Variants in SATB2 observed in about 807,000 individuals in gnomAD.
SATB2 encodes DNA-binding protein SATB2.
SATB2 carries 1 observed loss-of-function variant against 73.4 expected under a neutral mutation model. That is an observed-to-expected ratio of 0.01 (90% confidence interval 0.00 to 0.06). The LOEUF (loss-of-function observed/expected upper bound fraction) is 0.06. Ranked by LOEUF, SATB2 falls within the 10% of genes least tolerant of loss-of-function variation. The pLI is 1.00. For missense variants in SATB2, 459 were observed against 945.8 expected, an observed-to-expected ratio of 0.49 and a Z score of 6.75; for synonymous variants, 397 against 367.0, an observed-to-expected ratio of 1.08 and a Z score of -0.93.
intron 3 of SATB2, among the ~76,000 whole-genome samples, chr2:199,410,344 G>A (rs1015583470): frequency 6.6e-6 from 1 of 152,192 alleles, no homozygotes; most frequent in African/African-American, 2.4e-5. Context: ...GCTAAATTCT[G>A]TGGCCACATT....
intron 6 of SATB2, among the ~76,000 whole-genome samples, chr2:199,358,464 TA>T (rs918051485): frequency 6.6e-6 from 1 of 151,480 alleles, no homozygotes; most frequent in Non-Finnish European, 1.5e-5. Context: ...AGCTGAAGAG[TA>T]AAAGAAAGAA....
chr2:199,456,975 T>TGGGGGGGG (rs71397724), intron 1 of SATB2, among the ~76,000 whole-genome samples: 58 of 123,608 alleles, frequency 4.7e-4, no homozygotes, highest in South Asian at 7.7e-4. Context: ...ATTGGGGGGG[T>TGGGGGGGG]GGGGGGGGGC....
intron 9 of SATB2, among the ~76,000 whole-genome samples, chr2:199,312,037 T>A (rs150654982): frequency 0.018 from 2,676 of 147,890 alleles, 42 homozygotes; most frequent in South Asian, 0.032. Context: ...TTTTGCAGTA[T>A]CAGGCAAAAA....
At chr2:199,368,559 C>A (rs1470213476) in intron 6 of SATB2, 46 bp downstream of exon 6, 3 of 1,103,576 alleles carry the variant, frequency 2.7e-6, no homozygotes, top group South Asian at 2.5e-5. Context: ...AACTCATGAA[C>A]CTCAGAAACT....
At chr2:199,402,637 A>G (rs1256751004) in intron 3 of SATB2, among the ~76,000 whole-genome samples, 1 of 152,214 alleles carries the variant, frequency 6.6e-6, no homozygotes, top group Non-Finnish European at 1.5e-5. Flanking sequence ...TGAAGGGAAC[A>G]TGAAAGTTTC....
chr2:199,291,278 G>A (rs1169973031), intron 10 of SATB2, among the ~76,000 whole-genome samples: 6 of 152,166 alleles, frequency 3.9e-5, no homozygotes, highest in Admixed American at 3.9e-4. Context: ...CAAAGAGAAT[G>A]GTTTCAAGTT....
intron 5 of SATB2, among the ~76,000 whole-genome samples, chr2:199,370,861 T>C (rs753264337): frequency 5.3e-5 from 8 of 151,832 alleles, no homozygotes; most frequent in Non-Finnish European, 1.2e-4. Context: ...TTAGATTTGT[T>C]TTCTGTCCCA....
intron 1 of SATB2, among the ~76,000 whole-genome samples, chr2:199,456,975 T>G (rs865944266): frequency 0.038 from 4,606 of 120,874 alleles, no homozygotes; most frequent in African/African-American, 0.048. Flanking sequence ...ATTGGGGGGG[T>G]GGGGGGGGGC....
intron 7 of SATB2, chr2:199,329,155 A>G: frequency 1.9e-6 from 1 of 515,464 alleles, no homozygotes; most frequent in Non-Finnish European, 3.5e-6. Flanking sequence ...ATCAGTGTAC[A>G]GACATGCCAG....
chr2:199,305,553 C>T (rs1449772844), intron 10 of SATB2, among the ~76,000 whole-genome samples: 1 of 152,134 alleles, frequency 6.6e-6, no homozygotes, highest in Non-Finnish European at 1.5e-5. Context: ...AACAGAAACA[C>T]ATCTGCAGAC....
chr2:199,425,044 A>T (rs988220076), intron 3 of SATB2, among the ~76,000 whole-genome samples: 2 of 152,238 alleles, frequency 1.3e-5, no homozygotes, highest in Non-Finnish European at 2.9e-5. Context: ...TTACATTTAA[A>T]ATCTATAAGT....
At chr2:199,436,433 AC>A (rs367882115) in intron 2 of SATB2, among the ~76,000 whole-genome samples, 36 of 149,148 alleles carry the variant, frequency 2.4e-4, no homozygotes, top group East Asian at 3.9e-4. Flanking sequence ...TTAAAAAAAA[AC>A]AAAACAAAAC....
At chr2:199,305,664 A>G (rs1322925094) in intron 10 of SATB2, among the ~76,000 whole-genome samples, 1 of 152,130 alleles carries the variant, frequency 6.6e-6, no homozygotes, top group Non-Finnish European at 1.5e-5. Flanking sequence ...GGGACTTCTC[A>G]ATATCACAGA....
At chr2:199,450,293 A>G (rs1206280335) in intron 2 of SATB2, among the ~76,000 whole-genome samples, 1 of 152,148 alleles carries the variant, frequency 6.6e-6, no homozygotes, top group East Asian at 1.9e-4. Flanking sequence ...CCCACTTGTC[A>G]CTTTTCACTG....
intron 3 of SATB2, among the ~76,000 whole-genome samples, chr2:199,395,514 A>C (rs1690273727): frequency 6.6e-6 from 1 of 152,152 alleles, no homozygotes; most frequent in Non-Finnish European, 1.5e-5. Flanking sequence ...GGTCATAATC[A>C]ACCAGAAACC....
chr2:199,342,464 A>G (rs1389127048), intron 7 of SATB2, among the ~76,000 whole-genome samples: 1 of 151,554 alleles, frequency 6.6e-6, no homozygotes, highest in African/African-American at 2.4e-5. Flanking sequence ...CTCAGAATGT[A>G]TTTTACTTAT....
chr2:199,359,040 A>C (rs1462106071), intron 6 of SATB2, among the ~76,000 whole-genome samples: 5 of 152,156 alleles, frequency 3.3e-5, no homozygotes, highest in Non-Finnish European at 5.9e-5. Flanking sequence ...ATAATTTCTA[A>C]GGTGAATTCA....
intron 10 of SATB2, among the ~76,000 whole-genome samples, chr2:199,283,808 G>A (rs1329816806): frequency 2.0e-5 from 3 of 152,072 alleles, no homozygotes; most frequent in Non-Finnish European, 4.4e-5. Flanking sequence ...CAATCCTTGA[G>A]TATACGTCTT....
intron 5 of SATB2, among the ~76,000 whole-genome samples, chr2:199,373,509 T>C (rs1237279965): frequency 3.3e-5 from 5 of 152,108 alleles, no homozygotes; most frequent in Admixed American, 2.6e-4. Context: ...CTTTGGAGTA[T>C]GAAAACACTA....
Sources: gnomAD v4.1 joint callset for allele counts (sites outside exome capture counted in the v4.1 genomes callset) on GRCh38, gnomAD v4.1.1 for gene constraint, MANE v1.5 for transcripts, NCBI Gene and HGNC (gene_info 2026-07-23, HGNC 2026-07-21) for gene names.